OPA3: variants seen among roughly 807,000 people sequenced by gnomAD.
OPA3 encodes outer mitochondrial membrane lipid metabolism regulator OPA3.
A neutral mutation model predicts 4.0 loss-of-function variants in OPA3; 6 were observed. The ratio of observed to expected loss-of-function variants is 1.51; its 90% CI spans 0.83 to 2.99. The LOEUF is 2.99. OPA3 is among the 30% of genes most tolerant of loss of function. OPA3 has a pLI of 0.00. For synonymous variants in OPA3, 105 were observed against 117.1 expected, an observed-to-expected ratio of 0.90 and a Z score of 0.67; for missense variants, 235 against 256.2, an observed-to-expected ratio of 0.92 and a Z score of 0.56.
At chr19:45,541,973 C>T (rs942469451), downstream of OPA3, among the ~76,000 whole-genome samples, 2 of 152,180 alleles carry the variant, frequency 1.3e-5, no homozygotes, top group African/African-American at 4.8e-5. Flanking sequence ...ACCCATGGTG[C>T]TGACAGCCCT....
chr19:45,537,411 A>AAAAAAAACAAG (rs1969132705), intron 1 of OPA3, among the ~76,000 whole-genome samples: 9 of 94,952 alleles, frequency 9.5e-5, no homozygotes, highest in African/African-American at 3.7e-4. Context: ...AAAAAAAAAA[A>AAAAAAAACAAG]AAAAAAAAAA....
intron 1 of OPA3, chr19:45,529,582 C>T: frequency 8.1e-6 from 10 of 1,230,054 alleles, no homozygotes; most frequent in Non-Finnish European, 4.7e-6. Context: ...CGCGTGCTGG[C>T]GGGGACGCCT....
At chr19:45,535,285 T>C (rs1969103063) in intron 1 of OPA3, among the ~76,000 whole-genome samples, 1 of 152,146 alleles carries the variant, frequency 6.6e-6, no homozygotes, top group South Asian at 2.1e-4. Flanking sequence ...TCAAATTTCA[T>C]TTTCTATTTG....
In OPA3 at chr19:45,550,996, T is replaced by C. The variant is rs565012397; in HGVS notation, c.*2518A>G. 1,244 of 979,316 alleles carry C rather than the reference T, an allele frequency of 1.3e-3. 1 individual carries two copies. Among genetic ancestry groups the C allele is most frequent in the Non-Finnish European group, 1.4e-3 (1,158 of 824,408 alleles). The allele number at this position is 979,316 out of a possible 1,614,324, so 60.7% of individuals were successfully genotyped here. Reference sequence around the variant, plus strand: ...TTTTTTCTGAGAAAGGGTCTCACTCTGTCATCCAGGCTGGAGTGTAGTGGC... The same window carrying C: ...TTTTTTCTGAGAAAGGGTCTCACTCCGTCATCCAGGCTGGAGTGTAGTGGC... On this transcript the variant is annotated 3_prime_UTR_variant, in exon 2 of 2. Coordinates refer to ENST00000263275, the MANE Select transcript of OPA3 (RefSeq NM_025136.4).
intron 1 of OPA3, among the ~76,000 whole-genome samples, chr19:45,576,547 C>CCCCA (rs1555735885): frequency 4.4e-5 from 5 of 113,280 alleles, no homozygotes; most frequent in African/African-American, 1.2e-4. Context: ...CCCCCCCCCC[C>CCCCA]AAAAAAAAAA....
In OPA3 at chr19:45,549,318, G is replaced by T. The variant is rs937803904; in HGVS notation, c.*4196C>A. On this transcript the variant is annotated 3_prime_UTR_variant, in exon 2 of 2. Transcript: ENST00000263275. The stretch of plus-strand genomic sequence containing the variant: ...CTCTGGCCACCCCTGACGCCGCAGT[G>T]GGGGAAGTAGATGGCCCTGCTGCCC... 3.0e-6 allele frequency: 3 copies of T among 985,244 alleles called. No individual in the cohort carries two copies. The highest frequency in any genetic ancestry group is 1.7e-5 in the African/African-American group (1 of 57,282). 61.0% of individuals were successfully genotyped at this position (985,244 alleles called of 1,614,324 possible). A position where few individuals can be genotyped will look rare whatever the true frequency, so the allele number is the denominator to read the frequency against.
At chr19:45,544,630 A>C (rs928100282), downstream of OPA3, among the ~76,000 whole-genome samples, 1 of 152,124 alleles carries the variant, frequency 6.6e-6, no homozygotes, top group African/African-American at 2.4e-5. Flanking sequence ...CCTTGTCTCC[A>C]CCAAAAACAC....
rs1371934895 is a variant in OPA3 at position 45,573,328 on chromosome 19, G to GT, written c.142+11294dup. ...TAGCTGGGCATGGTGGCACATGCCT[G>GT]TAATCTCAGCTACTCGGGAGGCTGA... On this transcript the variant is annotated intron_variant, in intron 1 of 1. Coordinates refer to ENST00000263275, the MANE Select transcript of OPA3 (RefSeq NM_025136.4). 5.9e-5 allele frequency among the ~76,000 whole-genome samples: 9 copies of GT among 152,202 alleles called. No homozygotes were observed. In the South Asian group the frequency reaches 1.5e-3, roughly 25 times the overall value.
intron 1 of OPA3, among the ~76,000 whole-genome samples, chr19:45,566,129 G>T (rs1283390214): frequency 6.6e-6 from 1 of 152,024 alleles, no homozygotes; most frequent in African/African-American, 2.4e-5. Context: ...ATATAAGATT[G>T]GTTTAATATT....
At chr19:45,553,932 C>G (rs761993654) in intron 1 of OPA3, 21 bp from the exon 2 acceptor site, 2 of 1,589,380 alleles carry the variant, frequency 1.3e-6, no homozygotes, top group African/African-American at 1.3e-5. Flanking sequence ...AGAGAGGGGT[C>G]AGGCTGCGCT....
chr19:45,533,901 CTGGAGACAAGTCAGTTCAGTCCA>C (rs1420295946), intron 1 of OPA3, among the ~76,000 whole-genome samples: 2 of 152,192 alleles, frequency 1.3e-5, no homozygotes, highest in Non-Finnish European at 2.9e-5. Context: ...TGACTCTGGC[CTGGAGACAAGTCAGTTCAGTCCA>C]TGTGAATTCT....
At chr19:45,539,215 GT>G (rs1354146295) in intron 1 of OPA3, among the ~76,000 whole-genome samples, 2 of 152,172 alleles carry the variant, frequency 1.3e-5, no homozygotes, top group Non-Finnish European at 2.9e-5. Context: ...AACTATATCA[GT>G]TGTAGGGTAA....
downstream of OPA3, among the ~76,000 whole-genome samples, chr19:45,544,408 C>G (rs1969220503): frequency 6.6e-6 from 1 of 152,184 alleles, no homozygotes; most frequent in African/African-American, 2.4e-5. Flanking sequence ...GCCTGTAATC[C>G]CAGCACTTTG....
chr19:45,558,035 G>A (rs1279167733), intron 1 of OPA3, among the ~76,000 whole-genome samples: 2 of 152,188 alleles, frequency 1.3e-5, no homozygotes, highest in East Asian at 3.9e-4. Context: ...GAATTGGTGA[G>A]AAGAAAAGAA....
chr19:45,576,308 A>T (rs938313032), intron 1 of OPA3, among the ~76,000 whole-genome samples: 4 of 152,158 alleles, frequency 2.6e-5, no homozygotes, highest in Admixed American at 2.0e-4. Context: ...AGGCAGGTGG[A>T]TCACCTGAGG....
chr19:45,552,150 G>A lies in OPA3; in HGVS notation c.*1364C>T. 1 of 985,404 alleles carries A rather than the reference G, an allele frequency of 1.0e-6. No homozygotes were observed. Among genetic ancestry groups the A allele is most frequent in the African/African-American group, 1.7e-5 (1 of 57,340 alleles). 61.0% of individuals were successfully genotyped at this position (985,404 alleles called of 1,614,324 possible). The stretch of plus-strand genomic sequence containing the variant: ...AGGATGAGGGGGTTCTGTTGGAATA[G>A]TCCACTTCGGGTCTCAAGGGAAGGT... On this transcript the variant is annotated 3_prime_UTR_variant, in exon 2 of 2. Transcript: ENST00000263275.
At chr19:45,572,367 A>T (rs1334010441) in intron 1 of OPA3, among the ~76,000 whole-genome samples, 1 of 136,310 alleles carries the variant, frequency 7.3e-6, no homozygotes, top group Non-Finnish European at 1.6e-5. Context: ...TATGAGATAT[A>T]TATCGATATA....
At chr19:45,533,319 C>T (rs919449197) in intron 1 of OPA3, among the ~76,000 whole-genome samples, 9 of 152,050 alleles carry the variant, frequency 5.9e-5, no homozygotes, top group East Asian at 3.9e-4. Flanking sequence ...CTCAGCCTCC[C>T]GAGTAGCTGG....
Position 45,552,218 on chromosome 19 carries a change from G to GA in OPA3, c.*1295_*1296insT. On this transcript the variant is annotated 3_prime_UTR_variant, in exon 2 of 2. Transcript: ENST00000263275. ...TGACTGCAGGCCAGGACCTTTTGTGGGTTTTTTTAAGATGGAGTTTTGCTC... is the reference window on the plus strand; with the variant it reads ...TGACTGCAGGCCAGGACCTTTTGTGGAGTTTTTTTAAGATGGAGTTTTGCTC... The GA allele has an allele frequency of 2.1e-6, 2 of 964,048 alleles. No homozygotes were observed. Among genetic ancestry groups the GA allele is most frequent in the Non-Finnish European group, 2.4e-6 (2 of 817,340 alleles). The allele number at this position is 964,048 out of a possible 1,614,324, so 59.7% of individuals were successfully genotyped here.
Sources: gnomAD v4.1 joint callset for allele counts (sites outside exome capture counted in the v4.1 genomes callset) on GRCh38, gnomAD v4.1.1 for gene constraint, MANE v1.5 for transcripts, NCBI Gene and HGNC (gene_info 2026-07-23, HGNC 2026-07-21) for gene names.